PRUNE2: variants seen among roughly 807,000 people sequenced by gnomAD.
The protein encoded by PRUNE2 is prune homolog 2 with BCH domain, also known as protein prune homolog 2.
Under a neutral mutation model 252.0 loss-of-function variants are expected in PRUNE2, and 164 were observed. The observed-to-expected ratio is 0.65, with a 90% CI of 0.57 to 0.74. The LOEUF (loss-of-function observed/expected upper bound fraction) is 0.74, where lower values mean the gene tolerates loss of function less well. Ranked by LOEUF, PRUNE2 falls within the 30% of genes least tolerant of loss-of-function variation. PRUNE2 has a pLI of 0.00. For synonymous variants in PRUNE2, 1,292 were observed against 1,350.2 expected, an observed-to-expected ratio of 0.96 and a Z score of 0.94; for missense variants, 3,495 against 3,711.0, an observed-to-expected ratio of 0.94 and a Z score of 1.51.
At chr9:76,776,893 T>TACACACACACACACAC (rs541232508) in intron 6 of PRUNE2, among the ~76,000 whole-genome samples, 14 of 115,670 alleles carry the variant, frequency 1.2e-4, no homozygotes, top group Admixed American at 1.0e-3. Flanking sequence ...CCAAAACACA[T>TACACACACACACACAC]ACACACACAC....
chr9:76,671,506 C>T (rs2041471745), intron 9 of PRUNE2, among the ~76,000 whole-genome samples: 1 of 152,100 alleles, frequency 6.6e-6, no homozygotes, highest in Admixed American at 6.6e-5. Flanking sequence ...AGAATGTCCC[C>T]AATCTAGCAA....
intron 4 of PRUNE2, among the ~76,000 whole-genome samples, chr9:76,843,582 C>T (rs2059512620): frequency 6.6e-6 from 1 of 152,024 alleles, no homozygotes; most frequent in Non-Finnish European, 1.5e-5. Flanking sequence ...AAGAGAACTG[C>T]CCATATTATG....
intron 6 of PRUNE2, among the ~76,000 whole-genome samples, chr9:76,810,760 AG>A (rs1375654909): frequency 1.3e-5 from 2 of 152,224 alleles, no homozygotes; most frequent in African/African-American, 4.8e-5. Context: ...CTAAAAAAAA[AG>A]TCTTTGTTAC....
intron 11 of PRUNE2, among the ~76,000 whole-genome samples, chr9:76,647,872 G>A (rs1219332255): frequency 2.0e-5 from 3 of 152,102 alleles, no homozygotes; most frequent in South Asian, 2.1e-4. Context: ...TGACACAGGG[G>A]AATCGCTTGA....
chr9:76,728,274 T>A (rs762207145), intron 6 of PRUNE2, among the ~76,000 whole-genome samples: 17 of 152,146 alleles, frequency 1.1e-4, no homozygotes, highest in Non-Finnish European at 2.4e-4. Flanking sequence ...TTTCTGGGCC[T>A]GAATTATCTA....
At chr9:76,836,838 G>A (rs1050524892) in intron 4 of PRUNE2, among the ~76,000 whole-genome samples, 3 of 152,032 alleles carry the variant, frequency 2.0e-5, no homozygotes, top group Non-Finnish European at 1.5e-5. Flanking sequence ...GAGTGACGGG[G>A]GACATTATTA....
At chr9:76,717,695 C>T (rs933208134) in intron 6 of PRUNE2, among the ~76,000 whole-genome samples, 3 of 152,048 alleles carry the variant, frequency 2.0e-5, no homozygotes, top group Non-Finnish European at 4.4e-5. Context: ...ACCAGCCACA[C>T]ACACCTTCTG....
At chr9:76,831,186 C>T (rs2058656509) in intron 4 of PRUNE2, among the ~76,000 whole-genome samples, 1 of 152,018 alleles carries the variant, frequency 6.6e-6, no homozygotes, top group Non-Finnish European at 1.5e-5. Flanking sequence ...ACCTCGGCCT[C>T]CCAAAGTGCT....
At chr9:76,648,957 A>G (rs1846047615) in intron 11 of PRUNE2, among the ~76,000 whole-genome samples, 1 of 152,190 alleles carries the variant, frequency 6.6e-6, no homozygotes, top group African/African-American at 2.4e-5. Context: ...CCCTCATGTA[A>G]ACTATGGACC....
chr9:76,744,830 A>C (rs1011277292), intron 6 of PRUNE2, among the ~76,000 whole-genome samples: 1 of 152,178 alleles, frequency 6.6e-6, no homozygotes, highest in African/African-American at 2.4e-5. Context: ...ATACCAGTCT[A>C]TGTGGTGCCT....
chr9:76,786,299 G>A (rs1220781506), intron 6 of PRUNE2: 2 of 152,178 alleles, frequency 1.3e-5, no homozygotes, highest in African/African-American at 4.8e-5. Context: ...AGAACTCTGA[G>A]TGATATCAAC....
chr9:76,687,153 A>G (rs114501802), intron 9 of PRUNE2, among the ~76,000 whole-genome samples: 1,884 of 152,246 alleles, frequency 0.012, 42 homozygotes, highest in African/African-American at 0.041. Flanking sequence ...TCTTTCAATG[A>G]TCTCTACTGA....
chr9:76,681,743 C>T (rs1454395306), intron 9 of PRUNE2, among the ~76,000 whole-genome samples: 1 of 152,166 alleles, frequency 6.6e-6, no homozygotes, highest in African/African-American at 2.4e-5. Flanking sequence ...GAGCTATATC[C>T]TATCAGCCTG....
In PRUNE2 at chr9:76,708,218, G is replaced by A; in HGVS notation, c.4056C>T (p.Ala1352=). Reference sequence around the variant, plus strand: ...TCTGCCCTTTTTCAGAAATCCCTGAGGCATTCTCCACACCAGAGGCGATCA... The same window carrying A: ...TCTGCCCTTTTTCAGAAATCCCTGAAGCATTCTCCACACCAGAGGCGATCA... ...EEVIASGVEN[A]SGISEKGQSD... Residue 1352 remains alanine, a synonymous_variant, in exon 8 of 19, where the codon GCC becomes GCT. Transcript: ENST00000376718. The A allele has an allele frequency of 6.2e-7, 1 of 1,613,928 alleles. No individual in the cohort carries two copies. The highest frequency in any genetic ancestry group is 1.1e-5 in the South Asian group (1 of 91,084).
At chr9:76,895,630 CT>C (rs2062771143) in intron 1 of PRUNE2, among the ~76,000 whole-genome samples, 1 of 152,040 alleles carries the variant, frequency 6.6e-6, no homozygotes. Context: ...TCTTTTCCCC[CT>C]GATTCTTTAG....
intron 6 of PRUNE2, among the ~76,000 whole-genome samples, chr9:76,783,360 C>A (rs1315436122): frequency 1.3e-5 from 2 of 152,158 alleles, no homozygotes; most frequent in Non-Finnish European, 2.9e-5. Context: ...TGGTCTTGAA[C>A]TCCTGACCTC....
intron 9 of PRUNE2, among the ~76,000 whole-genome samples, chr9:76,664,478 C>T (rs1336813453): frequency 6.6e-6 from 1 of 152,178 alleles, no homozygotes; most frequent in Non-Finnish European, 1.5e-5. Flanking sequence ...GGGAAATAAT[C>T]AATGTTTGTT....
At chr9:76,808,383 T>C (rs185004973) in intron 6 of PRUNE2, among the ~76,000 whole-genome samples, 7 of 152,350 alleles carry the variant, frequency 4.6e-5, no homozygotes, top group Admixed American at 4.6e-4. Flanking sequence ...GGATATTGTG[T>C]GGGGATATCC....
chr9:76,769,243 C>T (rs1030583147), intron 6 of PRUNE2, among the ~76,000 whole-genome samples: 1 of 152,206 alleles, frequency 6.6e-6, no homozygotes, highest in Admixed American at 6.5e-5. Flanking sequence ...AAATTATACA[C>T]ACTATTCTGC....
Sources: allele counts gnomAD v4.1 joint callset (sites outside exome capture counted in the v4.1 genomes callset), GRCh38; gene constraint gnomAD v4.1.1; transcripts MANE v1.5; gene names NCBI Gene and HGNC (gene_info 2026-07-23, HGNC 2026-07-21).